The following SHISA9 variants were observed in gnomAD, a reference collection of about 807,000 sequenced individuals.
The protein encoded by SHISA9 is shisa family member 9, also known as protein shisa-9.
SHISA9 carries 13 observed loss-of-function variants against 38.0 expected under a neutral mutation model. The observed-to-expected ratio is 0.34, with a 90% CI of 0.22 to 0.54. The LOEUF (loss-of-function observed/expected upper bound fraction) is 0.54, where lower values mean the gene tolerates loss of function less well. Among genes scored for constraint, SHISA9 ranks in the 20% least tolerant of loss-of-function variants. SHISA9 has a pLI of 0.91. For synonymous variants in SHISA9, 275 were observed against 242.0 expected, an observed-to-expected ratio of 1.14 and a Z score of -1.27; for missense variants, 538 against 575.8, an observed-to-expected ratio of 0.93 and a Z score of 0.67.
intron 2 of SHISA9, among the ~76,000 whole-genome samples, chr16:13,138,698 T>C (rs1204072892): frequency 6.6e-6 from 1 of 152,236 alleles, no homozygotes; most frequent in East Asian, 1.9e-4. Context: ...TTAGGAGGAC[T>C]AGAGTGTTCC....
chr16:13,172,648 C>G (rs1198273606), intron 2 of SHISA9, among the ~76,000 whole-genome samples: 1 of 151,820 alleles, frequency 6.6e-6, no homozygotes, highest in African/African-American at 2.4e-5. Flanking sequence ...AGTCTTCCAG[C>G]AACAATGTCA....
rs1047725287 is a variant in SHISA9, at chr16:12,936,201, C to G, written c.691+19386C>G. On this transcript the variant is annotated intron_variant, in intron 2 of 4. Transcript: ENST00000558583. ...AAGACAATTTGGGGAAGCTCTCCAG[C>G]AATCTCAAACAGCTGCCACCACCTT... Among the ~76,000 whole-genome samples, 97 of 152,306 alleles carry G rather than the reference C, an allele frequency of 6.4e-4. 1 individual carries two copies. The highest frequency in any genetic ancestry group is 2.3e-3 in the African/African-American group (94 of 41,568).
intron 2 of SHISA9, among the ~76,000 whole-genome samples, chr16:13,066,633 T>G (rs1197306649): frequency 1.1e-4 from 17 of 152,236 alleles, no homozygotes; most frequent in Admixed American, 1.0e-3. Context: ...AAAATGGGAA[T>G]ATTAACCATG....
chr16:12,947,096 G>A (rs1019933305), intron 2 of SHISA9, among the ~76,000 whole-genome samples: 14 of 152,212 alleles, frequency 9.2e-5, no homozygotes, highest in Admixed American at 3.3e-4. Context: ...CTGTAATCTG[G>A]GTGGTCCCAA....
At chr16:12,935,978 C>G (rs2071527044) in intron 2 of SHISA9, among the ~76,000 whole-genome samples, 1 of 151,960 alleles carries the variant, frequency 6.6e-6, no homozygotes, top group Non-Finnish European at 1.5e-5. Context: ...TGGAAAGGAA[C>G]TAGCCTTACT....
At chr16:13,490,656 T>A in the SHISA9 span, among the ~76,000 whole-genome samples, 1 of 152,188 alleles carries the variant, frequency 6.6e-6, no homozygotes, top group Admixed American at 6.5e-5. Flanking sequence ...GGCTTTCTGA[T>A]TCTCTGCCCA....
At chr16:13,138,676 T>A (rs1276236384) in intron 2 of SHISA9, among the ~76,000 whole-genome samples, 1 of 152,044 alleles carries the variant, frequency 6.6e-6, no homozygotes, top group Admixed American at 6.6e-5. Context: ...ACAAGGGGAG[T>A]CTTTGAGCCG....
At chr16:13,085,248 C>T (rs1484585123) in intron 2 of SHISA9, among the ~76,000 whole-genome samples, 1 of 151,816 alleles carries the variant, frequency 6.6e-6, no homozygotes, top group Non-Finnish European at 1.5e-5. Context: ...GTCTATATAT[C>T]TATATATCTA....
the SHISA9 span, among the ~76,000 whole-genome samples, chr16:13,524,069 C>T: frequency 4.6e-5 from 7 of 152,096 alleles, no homozygotes; most frequent in Non-Finnish European, 8.8e-5. Context: ...AGGAATTTGA[C>T]CCCCTCCCAC....
Position 13,203,607 on chromosome 16 carries a change from T to G in SHISA9, c.847+58T>G, listed in dbSNP as rs1478509032. On this transcript the variant is annotated intron_variant, in intron 3 of 4. Coordinates refer to ENST00000558583, the MANE Select transcript of SHISA9 (RefSeq NM_001145204.3). ...CTCCTCTTCGCTCTCCTTTGCTGCT[T>G]CTTGTAGATCTCTTTATCTCCAGTT... 3.6e-6 allele frequency: 5 copies of G among 1,385,548 alleles called. No homozygotes were observed. In the South Asian group the frequency reaches 9.0e-5, roughly 25 times the overall value. The allele number at this position is 1,385,548 out of a possible 1,614,324, so 85.8% of individuals were successfully genotyped here.
chr16:13,351,752 T>G, the SHISA9 span, among the ~76,000 whole-genome samples: 3 of 152,226 alleles, frequency 2.0e-5, no homozygotes, highest in Non-Finnish European at 2.9e-5. Flanking sequence ...GAGGTCTGAT[T>G]GCTCGATATT....
At chr16:13,143,558 G>A (rs2050421470) in intron 2 of SHISA9, among the ~76,000 whole-genome samples, 1 of 152,148 alleles carries the variant, frequency 6.6e-6, no homozygotes, top group South Asian at 2.1e-4. Flanking sequence ...GTGCTCCCCA[G>A]CCTTAGTGGT....
intron 2 of SHISA9, among the ~76,000 whole-genome samples, chr16:12,959,734 C>T (rs1265820012): frequency 2.6e-5 from 4 of 152,278 alleles, no homozygotes; most frequent in Non-Finnish European, 2.9e-5. Flanking sequence ...CGAGATGACC[C>T]AGCAAATGAG....
At chr16:13,531,122 CT>C in the SHISA9 span, among the ~76,000 whole-genome samples, 1 of 152,106 alleles carries the variant, frequency 6.6e-6, no homozygotes, top group African/African-American at 2.4e-5. Context: ...TGTGAGTTTC[CT>C]GTTGAAGGCA....
chr16:13,255,428 T>A, the SHISA9 span, among the ~76,000 whole-genome samples: 1 of 152,222 alleles, frequency 6.6e-6, no homozygotes, highest in Non-Finnish European at 1.5e-5. Context: ...TGTGTGTCTT[T>A]CTCTTTCATA....
chr16:13,151,135 C>T (rs2050495497), intron 2 of SHISA9, among the ~76,000 whole-genome samples: 1 of 152,068 alleles, frequency 6.6e-6, no homozygotes, highest in Non-Finnish European at 1.5e-5. Context: ...TAGATGGAGT[C>T]TTGCTCTGTC....
the SHISA9 span, among the ~76,000 whole-genome samples, chr16:13,437,978 G>C: frequency 3.0e-5 from 4 of 133,942 alleles, no homozygotes; most frequent in Non-Finnish European, 6.4e-5. Context: ...CCATTTTCCC[G>C]TCTCAGCCTC....
At chr16:13,367,422 C>T in the SHISA9 span, among the ~76,000 whole-genome samples, 421 of 150,890 alleles carry the variant, frequency 2.8e-3, 2 homozygotes, top group African/African-American at 9.7e-3. Context: ...CCAATTAATC[C>T]TCACAGTGAA....
chr16:13,373,890 G>A, the SHISA9 span, among the ~76,000 whole-genome samples: 2 of 152,152 alleles, frequency 1.3e-5, no homozygotes, highest in African/African-American at 4.8e-5. Context: ...CTCATAACAC[G>A]TTCATATGGT....
Sources: gnomAD v4.1 joint callset for allele counts (sites outside exome capture counted in the v4.1 genomes callset) on GRCh38, gnomAD v4.1.1 for gene constraint, MANE v1.5 for transcripts, NCBI Gene and HGNC (gene_info 2026-07-23, HGNC 2026-07-21) for gene names.